Variants in WRAP53 observed in about 807,000 individuals in gnomAD.
WRAP53 encodes telomerase Cajal body protein 1.
Under a neutral mutation model 56.6 loss-of-function variants are expected in WRAP53, and 28 were observed. The observed-to-expected ratio is 0.50, with a 90% CI of 0.37 to 0.68. The LOEUF is 0.68. Ranked by LOEUF, WRAP53 falls within the 30% of genes least tolerant of loss-of-function variation. WRAP53 has a pLI of 0.00. For synonymous variants in WRAP53, 283 were observed against 283.4 expected (o/e 1.00, Z 0.01); for missense variants, 671 against 715.5 (o/e 0.94, Z 0.71).
chr17:7,689,335 A>G lies in WRAP53; in HGVS notation c.530+13A>G. The G allele has an allele frequency of 6.2e-7, 1 of 1,613,256 alleles. No homozygotes were observed. The highest frequency in any genetic ancestry group is 2.2e-5 in the East Asian group (1 of 44,884). On this transcript the variant is annotated intron_variant, in intron 3 of 10. Transcript: ENST00000396463. ...AAGGCTGTAAGTGGTAAGGATAACA[A>G]CGGGGCAGGGAGCTGACCACCCCCG...
chr17:7,702,508 T>C lies in WRAP53; in HGVS notation c.1120T>C (p.Cys374Arg), dbSNP rs2074288636. ...GGHQGGITHL[C>R]FHPDGNRFFS... The stretch of plus-strand genomic sequence containing the variant: ...GCACCAAGGGGGCATCACCCACCTC[T>C]GCTTTCATCCCGATGGCAACCGCTT... Residue 374 changes from cysteine (C) to arginine (R), a missense_variant, in exon 8 of 11, where the codon TGC (cysteine) becomes CGC (arginine). Physicochemically the swap from Cys to Arg is radical, Grantham distance 180 (BLOSUM62 -3). Around this residue, in one of 3 missense-constraint regions of WRAP53, gnomAD observed 158 missense variants for 215.7 expected, o/e 0.73. Transcript: ENST00000396463. This position sits in a 1 kb window ranked among gnomAD's most constrained non-coding sequence, Gnocchi z 5.0. 1.9e-6 allele frequency: 3 copies of C among 1,613,286 alleles called. No homozygotes were observed. Among genetic ancestry groups the C allele is most frequent in the African/African-American group, 1.3e-5 (1 of 75,040 alleles).
intron 4 of WRAP53, among the ~76,000 whole-genome samples, chr17:7,698,364 T>G (rs1355904164): frequency 6.6e-6 from 1 of 152,156 alleles, no homozygotes; most frequent in Non-Finnish European, 1.5e-5. Flanking sequence ...TGAAAATGCA[T>G]GAATTAGAGC....
chr17:7,703,056 G>C lies in WRAP53; in HGVS notation c.1332G>C (p.Gly444=). 6.2e-7 allele frequency: 1 copy of C among 1,614,132 alleles called. No homozygotes were observed. Among genetic ancestry groups the C allele is most frequent in the Non-Finnish European group, 8.5e-7 (1 of 1,180,026 alleles). Residue 444 remains glycine, a synonymous_variant, in exon 10 of 11, where the codon GGG becomes GGC. Coordinates refer to ENST00000396463, the MANE Select transcript of WRAP53 (RefSeq NM_001143992.2). ...SGAVSVWDTD[G]PGNDGKPEPV... ...CTGTCTCTGTGTGGGACACGGACGG[G>C]CCTGGCAATGATGGGAAGCCGGAGC...
intron 4 of WRAP53, among the ~76,000 whole-genome samples, chr17:7,695,552 C>T (rs192952646): frequency 6.6e-6 from 1 of 152,232 alleles, no homozygotes; most frequent in African/African-American, 2.4e-5. Context: ...CGGGGAATGT[C>T]CTCATTCCCA....
intron 4 of WRAP53, 66 bp downstream of exon 4, chr17:7,689,767 A>G: frequency 1.5e-6 from 2 of 1,318,170 alleles, no homozygotes; most frequent in East Asian, 4.7e-5. Context: ...GGAGATGGAA[A>G]AAGTGTAGTC....
Position 7,701,856 on chromosome 17 carries a change from G to T in WRAP53, c.955+67G>T, listed in dbSNP as rs1029513783. 6.4e-6 allele frequency: 10 copies of T among 1,571,290 alleles called. No individual in the cohort carries two copies. In the African/African-American group the frequency reaches 9.5e-5, roughly 15 times the overall value. On this transcript the variant is annotated intron_variant, in intron 7 of 10. Transcript: ENST00000396463. The surrounding 1 kb of genome is among the most constrained non-coding windows in gnomAD (Gnocchi z 4.2). ...ACTGCCACCTGCACAGGGGCCTTTT[G>T]TGAGCCGGGGGCCACCTGTGGGGGT...
At chr17:7,700,663 C>T (rs1349438180) in intron 4 of WRAP53, 78 bp from the exon 5 acceptor site, 5 of 951,218 alleles carry the variant, frequency 5.3e-6, no homozygotes, top group Non-Finnish European at 5.2e-6. Flanking sequence ...ACCCCATCTG[C>T]CACAACACTG....
upstream of WRAP53, chr17:7,687,665 C>A: frequency 2.5e-6 from 1 of 398,522 alleles, no homozygotes; most frequent in South Asian, 1.3e-4. Context: ...GGTGCAGAGT[C>A]AGGATTCTCG....
At chr17:7,694,871 T>C (rs913678515) in intron 4 of WRAP53, among the ~76,000 whole-genome samples, 2 of 148,038 alleles carry the variant, frequency 1.4e-5, no homozygotes, top group African/African-American at 2.5e-5. Context: ...TTTTTTTTTT[T>C]CCTGCTAGTG....
In WRAP53 at chr17:7,689,728, C is replaced by G. The variant is rs1474756994; in HGVS notation, c.642+27C>G. On this transcript the variant is annotated intron_variant, in intron 4 of 10. Transcript: ENST00000396463. Reference sequence around the variant, plus strand: ...TAAGGACTGGGGCTAACTGCCTCTTCATCAATGCTGCACATTTAAGTCCTT... The same window carrying G: ...TAAGGACTGGGGCTAACTGCCTCTTGATCAATGCTGCACATTTAAGTCCTT... The G allele has an allele frequency of 1.9e-6, 3 of 1,551,944 alleles. No individual in the cohort carries two copies. The African/African-American group carries it at 4.1e-5, about 21-fold the overall frequency.
chr17:7,694,242 C>CTTTTTTTTTTTTTT (rs749740076), intron 4 of WRAP53, among the ~76,000 whole-genome samples: 4 of 122,618 alleles, frequency 3.3e-5, no homozygotes, highest in Non-Finnish European at 4.9e-5. Context: ...TTTTTTCTTT[C>CTTTTTTTTTTTTTT]TTTTTTTTTT....
At position 7,701,510 on chromosome 17, in the gene WRAP53, T is replaced by C; in HGVS notation, c.783T>C (p.Thr261=). The C allele has an allele frequency of 1.2e-6, 2 of 1,614,256 alleles. No homozygotes were observed. The highest frequency in any genetic ancestry group is 1.7e-6 in the Non-Finnish European group (2 of 1,180,052). The change falls in exon 6 of 11, where the codon ACT becomes ACC. Residue 261 remains threonine, a synonymous_variant. Transcript: ENST00000396463. The surrounding 1 kb of genome is among the most constrained non-coding windows in gnomAD (Gnocchi z 4.2). ...CGATTCATATCTGGGACGCATTCAC[T>C]GGAGAGCTCCGGGCTTCCTTTCGCG... The part of the protein sequence containing the change: ...ENPIHIWDAF[T]GELRASFRAY...
At chr17:7,695,956 C>A (rs575973710) in intron 4 of WRAP53, among the ~76,000 whole-genome samples, 2 of 152,250 alleles carry the variant, frequency 1.3e-5, no homozygotes, top group South Asian at 4.1e-4. Context: ...TTATTCTGCA[C>A]CACGTGTTGG....
Position 7,702,522 on chromosome 17 carries a change from T to C in WRAP53, c.1134T>C (p.Asp378=), listed in dbSNP as rs1310356226. 3 of 1,612,082 alleles carry C rather than the reference T, an allele frequency of 1.9e-6. No individual in the cohort carries two copies. Among genetic ancestry groups the C allele is most frequent in the Non-Finnish European group, 2.5e-6 (3 of 1,179,942 alleles). ...TCACCCACCTCTGCTTTCATCCCGA[T>C]GGCAACCGCTTCTTCTCAGGAGCCC... ...GGITHLCFHP[D]GNRFFSGARK... The change falls in exon 8 of 11, where the codon GAT becomes GAC. Residue 378 remains aspartate (D), a synonymous_variant. Transcript: ENST00000396463. The surrounding 1 kb of genome is among the most constrained non-coding windows in gnomAD (Gnocchi z 5.0).
upstream of WRAP53, chr17:7,687,811 T>G (rs190765817): frequency 1.3e-5 from 5 of 394,020 alleles, no homozygotes; most frequent in African/African-American, 4.1e-5. Flanking sequence ...GGAAGAAAGC[T>G]TTTGCGTTTG....
At chr17:7,693,894 A>G (rs1009205028) in intron 4 of WRAP53, among the ~76,000 whole-genome samples, 72 of 152,136 alleles carry the variant, frequency 4.7e-4, no homozygotes, top group African/African-American at 1.7e-3. Context: ...TGTCTTCAAG[A>G]GTGTGCATGC....
chr17:7,688,301 G>C (rs2040975655), upstream of WRAP53: 1 of 320,118 alleles, frequency 3.1e-6, no homozygotes, highest in African/African-American at 2.2e-5. Context: ...CAGCAGCCAC[G>C]AGGAGCCCTA....
At chr17:7,699,500 ATTTATATATATATATATATATT>A (rs1440254965) in intron 4 of WRAP53, among the ~76,000 whole-genome samples, 668 of 29,422 alleles carry the variant, frequency 0.023, 77 homozygotes, top group Admixed American at 0.058. Flanking sequence ...ATATATATAT[ATTTATATATATATATATATATT>A]TATATATATA....
Position 7,688,593 on chromosome 17 carries a change from G to A in WRAP53, c.-2+32G>A, listed in dbSNP as rs984243245. On this transcript the variant is annotated intron_variant, in intron 1 of 10. Coordinates refer to ENST00000396463, the MANE Select transcript of WRAP53 (RefSeq NM_001143992.2). ...TTCTTTAGCTCTGCGTCGGATCCCT[G>A]AGAACTTCGAAGCCATCCTGGCTGA... 1.1e-5 allele frequency: 18 copies of A among 1,599,872 alleles called. No individual in the cohort carries two copies. In the African/African-American group the frequency reaches 2.3e-4, roughly 20 times the overall value.
Sources: gnomAD v4.1 joint callset for allele counts (sites outside exome capture counted in the v4.1 genomes callset) on GRCh38, gnomAD v4.1.1 for gene constraint, gnomAD v4.1.1 regional missense constraint, Gnocchi (gnomAD v3.1) non-coding constraint, MANE v1.5 for transcripts, NCBI Gene and HGNC (gene_info 2026-07-23, HGNC 2026-07-21) for gene names.